Variants in PAWR observed in about 807,000 individuals in gnomAD.
The protein encoded by PAWR is pro-apoptotic WT1 regulator, also known as PRKC apoptosis WT1 regulator protein.
A neutral mutation model predicts 32.0 loss-of-function variants in PAWR; 23 were observed. That is an observed-to-expected ratio of 0.72 (90% CI 0.52 to 1.02). The LOEUF (loss-of-function observed/expected upper bound fraction) is 1.02. Ranked by LOEUF, PAWR falls within the 50% of genes least tolerant of loss-of-function variation. The probability of loss-of-function intolerance (pLI) is 0.00; values close to 1 mark genes in which losing one functional copy is unlikely to be tolerated. For missense variants in PAWR, 457 were observed against 437.7 expected (o/e 1.04, Z -0.39); for synonymous variants, 226 against 187.1 (o/e 1.21, Z -1.70).
At chr12:79,664,922 C>A (rs576299373) in intron 2 of PAWR, among the ~76,000 whole-genome samples, 19 of 152,212 alleles carry the variant, frequency 1.2e-4, no homozygotes, top group South Asian at 8.3e-4. Context: ...TCACTGCATT[C>A]AGCATTTACA....
intron 2 of PAWR, among the ~76,000 whole-genome samples, chr12:79,647,667 C>A (rs896686903): frequency 9.2e-5 from 14 of 152,184 alleles, no homozygotes; most frequent in African/African-American, 3.1e-4. Flanking sequence ...AGTCTTTATG[C>A]ATATCTGCCT....
In PAWR at chr12:79,585,612, G is replaced by A. The variant is rs577432522; in HGVS notation, c.*6995C>T. 6.6e-6 allele frequency: 1 copy of A among 152,528 alleles called. No homozygotes were observed. Among genetic ancestry groups the A allele is most frequent in the East Asian group, 1.9e-4 (1 of 5,186 alleles). The allele number at this position is 152,528 out of a possible 1,614,324, so 9.4% of individuals were successfully genotyped here. A position where few individuals can be genotyped will look rare whatever the true frequency, so the allele number is the denominator to read the frequency against. ...CACCTAACACAGCCTGGCACATACG[G>A]CTACTGAATTACTAATGAATGTTAT... On this transcript the variant is annotated 3_prime_UTR_variant, in exon 7 of 7. Transcript: ENST00000328827.
intron 2 of PAWR, among the ~76,000 whole-genome samples, chr12:79,623,542 TC>T (rs1421119344): frequency 6.6e-6 from 1 of 151,984 alleles, no homozygotes; most frequent in East Asian, 1.9e-4. Flanking sequence ...GCAAAAAATT[TC>T]CCAAAGTAAC....
intron 2 of PAWR, among the ~76,000 whole-genome samples, chr12:79,647,674 G>A (rs903609189): frequency 3.3e-5 from 5 of 152,140 alleles, no homozygotes; most frequent in Admixed American, 2.6e-4. Context: ...ATGCATATCT[G>A]CCTTTTACAG....
intron 2 of PAWR, among the ~76,000 whole-genome samples, chr12:79,657,077 T>A (rs554270987): frequency 6.6e-6 from 1 of 152,130 alleles, no homozygotes; most frequent in Admixed American, 6.5e-5. Flanking sequence ...ATCCGAAAGG[T>A]TGAAGGAATA....
At chr12:79,598,098 A>G (rs1873829728) in intron 4 of PAWR, 1 of 152,296 alleles carries the variant, frequency 6.6e-6, no homozygotes, top group Non-Finnish European at 1.5e-5. Context: ...CAGAAGCTGC[A>G]GTGTCGGTCA....
intron 2 of PAWR, among the ~76,000 whole-genome samples, chr12:79,680,041 G>A (rs1038001990): frequency 2.0e-5 from 3 of 152,048 alleles, no homozygotes; most frequent in Non-Finnish European, 2.9e-5. Flanking sequence ...CAGATTGATG[G>A]GGATACAGAT....
intron 4 of PAWR, among the ~76,000 whole-genome samples, chr12:79,602,770 A>AT (rs1037453130): frequency 0.018 from 2,482 of 139,370 alleles, 28 homozygotes; most frequent in African/African-American, 0.025. Context: ...TACCTGGCTA[A>AT]TTTTTTTTTT....
chr12:79,643,978 A>G (rs996683384), intron 2 of PAWR, among the ~76,000 whole-genome samples: 5 of 152,172 alleles, frequency 3.3e-5, no homozygotes, highest in Admixed American at 1.3e-4. Context: ...AATTTGCACA[A>G]GTTCGTATGA....
chr12:79,638,898 T>TATATATATATA (rs1566013843), intron 2 of PAWR, among the ~76,000 whole-genome samples: 1 of 6,362 alleles, frequency 1.6e-4, no homozygotes, highest in Non-Finnish European at 2.7e-4. Context: ...ATATATATAT[T>TATATATATATA]TTTTTTTTTT....
chr12:79,606,263 T>G lies in PAWR; in HGVS notation c.683+7312A>C, dbSNP rs1329992442. On this transcript the variant is annotated intron_variant, in intron 4 of 6. Coordinates refer to ENST00000328827, the MANE Select transcript of PAWR (RefSeq NM_002583.4). ...CTTCAGGGTAGAACAATTTTGGAAC[T>G]AGACAGCAGTGATGGTAGTAAACAC... Among the ~76,000 whole-genome samples, 4 of 152,288 alleles carry G rather than the reference T, an allele frequency of 2.6e-5. No individual in the cohort carries two copies. The East Asian group carries it at 7.7e-4, about 29-fold the overall frequency.
intron 2 of PAWR, among the ~76,000 whole-genome samples, chr12:79,666,829 C>T (rs1361828043): frequency 6.6e-6 from 1 of 152,034 alleles, no homozygotes; most frequent in Admixed American, 6.6e-5. Flanking sequence ...GTGATATTTA[C>T]ACATAAACAA....
chr12:79,657,449 T>C (rs968929148), intron 2 of PAWR, among the ~76,000 whole-genome samples: 1 of 151,398 alleles, frequency 6.6e-6, no homozygotes, highest in African/African-American at 2.4e-5. Flanking sequence ...AGGATACATA[T>C]AGTAACTAAG....
intron 4 of PAWR, among the ~76,000 whole-genome samples, chr12:79,610,795 T>C (rs1273966413): frequency 1.3e-5 from 2 of 149,964 alleles, no homozygotes; most frequent in Non-Finnish European, 3.0e-5. Context: ...AAATTACACA[T>C]TGAAAAAAAA....
chr12:79,615,597 T>C (rs1874691229), intron 3 of PAWR, among the ~76,000 whole-genome samples: 1 of 152,218 alleles, frequency 6.6e-6, no homozygotes, highest in Non-Finnish European at 1.5e-5. Context: ...GAGTTTCTTA[T>C]CTGCTTGTCA....
In PAWR at chr12:79,613,575, CT is replaced by C; in HGVS notation, c.682del (p.Ser228AlafsTer52). 6.6e-7 allele frequency: 1 copy of C among 1,525,652 alleles called. No individual in the cohort carries two copies. Among genetic ancestry groups the C allele is most frequent in the Non-Finnish European group, 9.0e-7 (1 of 1,106,110 alleles). 94.5% of individuals were successfully genotyped at this position (1,525,652 alleles called of 1,614,324 possible). A position where few individuals can be genotyped will look rare whatever the true frequency, so the allele number is the denominator to read the frequency against. Reference protein sequence around the residue: ...PPRTVSGRYKSTTSVSEEDVS... With the variant: ...PPRTVSGRYKXTTSVSEEDVS... ...ATGTTTAAGTCATAAGGATTCTTAC[CT>C]TTTATATCTGCCTGAAACTGTTCTA... On this transcript the variant is annotated frameshift_variant and splice_region_variant, in exon 4 of 7. Coordinates refer to ENST00000328827, the MANE Select transcript of PAWR (RefSeq NM_002583.4). LOFTEE classifies it high-confidence loss of function.
At chr12:79,685,133 C>T (rs991929563) in intron 2 of PAWR, among the ~76,000 whole-genome samples, 3 of 152,170 alleles carry the variant, frequency 2.0e-5, no homozygotes, top group African/African-American at 7.2e-5. Context: ...GCTCAGACAA[C>T]TCAGTACAAA....
At chr12:79,628,500 C>T (rs796191297) in intron 2 of PAWR, among the ~76,000 whole-genome samples, 17 of 152,088 alleles carry the variant, frequency 1.1e-4, no homozygotes, top group African/African-American at 3.9e-4. Flanking sequence ...AAAAACCCTT[C>T]GAAATGACAA....
chr12:79,638,619 AATT>A, intron 2 of PAWR, among the ~76,000 whole-genome samples: 1 of 151,476 alleles, frequency 6.6e-6, no homozygotes, highest in East Asian at 1.9e-4. Flanking sequence ...GATAACAGCC[AATT>A]GTTTCAACTA....
Sources: allele counts gnomAD v4.1 joint callset (sites outside exome capture counted in the v4.1 genomes callset), GRCh38; gene constraint gnomAD v4.1.1; transcripts MANE v1.5; gene names NCBI Gene and HGNC (gene_info 2026-07-23, HGNC 2026-07-21).